Variants in SSC4D observed in about 807,000 individuals in gnomAD.
The protein encoded by SSC4D is scavenger receptor cysteine-rich domain-containing group B protein.
SSC4D carries 57 observed loss-of-function variants against 63.4 expected under a neutral mutation model. The observed-to-expected ratio is 0.90, with a 90% CI of 0.73 to 1.12. SSC4D has a LOEUF of 1.12. Ranked by LOEUF, SSC4D falls within the 50% of genes most tolerant of loss-of-function variation. The pLI, the probability that SSC4D is intolerant of heterozygous loss-of-function variation, is 0.00. For missense variants in SSC4D, 791 were observed against 806.4 expected (o/e 0.98, Z 0.23); for synonymous variants, 352 against 345.4 (o/e 1.02, Z -0.21).
In SSC4D at chr7:76,397,551, C is replaced by T. The variant is rs779778771; in HGVS notation, c.835G>A (p.Gly279Ser). ...QSLGWGVHNC[G>S]HHEDAGALCA... ...AGCGCGCCCGCGTCCTCGTGGTGGC[C>T]GCAGTTGTGCACACCCCAGCCCAGG... Residue 279 changes from glycine to serine, a missense_variant, in exon 6 of 11, where the codon GGC becomes AGC. Transcript: ENST00000275560. 17 of 1,596,396 alleles carry T rather than the reference C, an allele frequency of 1.1e-5. No individual in the cohort carries two copies. In the Admixed American group the frequency reaches 2.6e-4, roughly 25 times the overall value.
At chr7:76,401,227 C>T (rs528884429) in intron 2 of SSC4D, among the ~76,000 whole-genome samples, 184 bp from the exon 3 acceptor site, 42 of 152,214 alleles carry the variant, frequency 2.8e-4, no homozygotes, top group Admixed American at 6.6e-4. Flanking sequence ...TTCCCTGCCT[C>T]ACCCCTCTCC....
rs754370152 is a variant in SSC4D at position 76,392,083 on chromosome 7, T to A, written c.1334-42A>T. 2.0e-5 allele frequency: 31 copies of A among 1,545,416 alleles called. No homozygotes were observed. The South Asian group carries it at 3.2e-4, about 16-fold the overall frequency. The stretch of plus-strand genomic sequence containing the variant: ...AGAGATAAAGAGGTGGCTCTCACAA[T>A]GGGAAGCATGTTCCTTAGGGCCAGG... On this transcript the variant is annotated intron_variant, in intron 9 of 10. Coordinates refer to ENST00000275560, the MANE Select transcript of SSC4D (RefSeq NM_080744.2).
rs1407884854 is a variant in SSC4D, at chr7:76,389,985, A to G, written c.*74T>C. ...GGCAAAGTGAACTGTAGTCATCACA[A>G]GAGGAGGGCTTCCTGGAGGAGGAAG... On this transcript the variant is annotated 3_prime_UTR_variant, in exon 11 of 11. Coordinates refer to ENST00000275560, the MANE Select transcript of SSC4D (RefSeq NM_080744.2). The G allele has an allele frequency of 8.8e-6, 14 of 1,588,566 alleles. No individual in the cohort carries two copies. The highest frequency in any genetic ancestry group is 1.7e-5 in the Admixed American group (1 of 59,034).
rs140732290 is a variant in SSC4D at position 76,397,907 on chromosome 7, G to C, written c.554-75C>G. On this transcript the variant is annotated intron_variant, in intron 5 of 10. Coordinates refer to ENST00000275560, the MANE Select transcript of SSC4D (RefSeq NM_080744.2). Reference sequence around the variant, plus strand: ...CCGTCCGCACCGCAAGGGCAGCCCGGTGTCCCAGGATCTACAACCCTTGGG... The same window carrying C: ...CCGTCCGCACCGCAAGGGCAGCCCGCTGTCCCAGGATCTACAACCCTTGGG... 3.4e-5 allele frequency: 48 copies of C among 1,406,736 alleles called. No individual in the cohort carries two copies. The Middle Eastern group carries it at 8.3e-4, about 24-fold the overall frequency. 87.1% of individuals were successfully genotyped at this position (1,406,736 alleles called of 1,614,324 possible). A position where few individuals can be genotyped will look rare whatever the true frequency, so the allele number is the denominator to read the frequency against.
At chr7:76,393,963 G>T in intron 7 of SSC4D, 59 bp from the exon 8 acceptor site, 1 of 1,517,524 alleles carries the variant, frequency 6.6e-7, no homozygotes, top group Non-Finnish European at 8.9e-7. Context: ...CTGTCCTGCA[G>T]CAGGGCACGG....
intron 10 of SSC4D, among the ~76,000 whole-genome samples, chr7:76,391,662 C>A (rs1169892223): frequency 6.6e-6 from 1 of 152,110 alleles, no homozygotes; most frequent in African/African-American, 2.4e-5. Context: ...GTCTCCTGCA[C>A]CCCCCTGGGC....
intron 4 of SSC4D, 147 bp downstream of exon 4, chr7:76,400,139 G>T: frequency 1.1e-6 from 1 of 910,408 alleles, no homozygotes; most frequent in East Asian, 3.3e-5. Flanking sequence ...CCAGGCTGGG[G>T]TTCTTCCCTG....
chr7:76,405,648 C>T (rs1736736398), intron 1 of SSC4D, among the ~76,000 whole-genome samples: 1 of 151,874 alleles, frequency 6.6e-6, no homozygotes. Flanking sequence ...ATGACATTTC[C>T]ACTTGCCTTT....
chr7:76,395,364 C>G (rs777824208), intron 6 of SSC4D, 34 bp from the exon 7 acceptor site: 12 of 1,606,892 alleles, frequency 7.5e-6, no homozygotes, highest in African/African-American at 2.7e-5. Context: ...GGGTCAGAGG[C>G]TGAGATTCTG....
intron 1 of SSC4D, among the ~76,000 whole-genome samples, chr7:76,408,097 A>G (rs80078499): frequency 0.079 from 12,007 of 152,128 alleles, 658 homozygotes; most frequent in Middle Eastern, 0.17. Flanking sequence ...AGGCGGCGGT[A>G]GAGAGGATGG....
intron 2 of SSC4D, among the ~76,000 whole-genome samples, 180 bp from the exon 3 acceptor site, chr7:76,401,223 G>T (rs1435759352): frequency 6.6e-6 from 1 of 151,862 alleles, no homozygotes; most frequent in Non-Finnish European, 1.5e-5. Context: ...TGGCTTCCCT[G>T]CCTCACCCCT....
chr7:76,394,441 C>T (rs1399924486), intron 7 of SSC4D, among the ~76,000 whole-genome samples: 1 of 149,242 alleles, frequency 6.7e-6, no homozygotes, highest in Non-Finnish European at 1.5e-5. Flanking sequence ...CAGAGTTTCG[C>T]TCTGTCTCGC....
intron 3 of SSC4D, among the ~76,000 whole-genome samples, 153 bp from the exon 4 acceptor site, chr7:76,400,744 G>C (rs1421763627): frequency 6.6e-6 from 1 of 152,188 alleles, no homozygotes; most frequent in South Asian, 2.1e-4. Context: ...CTGGGCTCAA[G>C]TGATCCTCCT....
In SSC4D at chr7:76,393,982, A is replaced by G. The variant is rs570500427; in HGVS notation, c.947-78T>C. On this transcript the variant is annotated intron_variant, in intron 7 of 10. Transcript: ENST00000275560. ...CCTGCAGCAGGGCACGGGGACGCCT[A>G]CCAAGACCCCCAACCCTACCACACC... 3 of 1,434,594 alleles carry G rather than the reference A, an allele frequency of 2.1e-6. No homozygotes were observed. The African/African-American group carries it at 4.3e-5, about 20-fold the overall frequency. 88.9% of individuals were successfully genotyped at this position (1,434,594 alleles called of 1,614,324 possible).
At chr7:76,393,983 C>A in intron 7 of SSC4D, 79 bp from the exon 8 acceptor site, 1 of 1,412,624 alleles carries the variant, frequency 7.1e-7, no homozygotes, top group Non-Finnish European at 9.7e-7. Flanking sequence ...GGGACGCCTA[C>A]CAAGACCCCC....
chr7:76,397,633 G>T lies in SSC4D; in HGVS notation c.753C>A (p.Ile251=), dbSNP rs751442426. 16 of 1,613,524 alleles carry T rather than the reference G, an allele frequency of 9.9e-6. No individual in the cohort carries two copies. The highest frequency in any genetic ancestry group is 1.0e-5 in the Non-Finnish European group (12 of 1,179,840). ...NAFFGYGTGH[I]LLDNVHCEGG... ...CTTCGCAGTGCACGTTGTCCAGCAG[G>T]ATGTGTCCGGTGCCATAGCCGAAGA... Residue 251 remains isoleucine (I), a synonymous_variant, in exon 6 of 11, where the codon ATC becomes ATA. Transcript: ENST00000275560.
intron 2 of SSC4D, 50 bp from the exon 3 acceptor site, chr7:76,401,093 C>T (rs572943983): frequency 4.0e-6 from 6 of 1,494,614 alleles, no homozygotes; most frequent in East Asian, 2.6e-5. Flanking sequence ...CACCATGGCT[C>T]CCTGGTCCCA....
intron 5 of SSC4D, 134 bp from the exon 6 acceptor site, chr7:76,397,966 C>T (rs2115767934): frequency 2.2e-6 from 2 of 925,244 alleles, no homozygotes; most frequent in South Asian, 3.6e-5. Flanking sequence ...GGTACCGCCT[C>T]CTTGGTCCAG....
chr7:76,389,931 T>C lies in SSC4D; in HGVS notation c.*128A>G, dbSNP rs1314245670. On this transcript the variant is annotated 3_prime_UTR_variant, in exon 11 of 11. Transcript: ENST00000275560. ...CCCAAGCAGGACTGCACTGTCTAGG[T>C]AGGCTCTCTCCCAGGCAAGGGAAGG... The C allele has an allele frequency of 4.0e-6, 5 of 1,252,602 alleles. No homozygotes were observed. In the East Asian group the frequency reaches 7.1e-5, roughly 18 times the overall value. The allele number at this position is 1,252,602 out of a possible 1,614,324, so 77.6% of individuals were successfully genotyped here.
Sources: gnomAD v4.1 joint callset for allele counts (sites outside exome capture counted in the v4.1 genomes callset) on GRCh38, gnomAD v4.1.1 for gene constraint, MANE v1.5 for transcripts, NCBI Gene and HGNC (gene_info 2026-07-23, HGNC 2026-07-21) for gene names.